SPATA1: variants seen among roughly 807,000 people sequenced by gnomAD.
SPATA1 encodes spermatogenesis associated 1.
In SPATA1, 57 loss-of-function variants were observed where a neutral mutation model predicts 59.6. The ratio of observed to expected loss-of-function variants is 0.96; its 90% CI spans 0.77 to 1.19. SPATA1 has a LOEUF of 1.19. Among genes scored for constraint, SPATA1 ranks in the 50% most tolerant of loss-of-function variants. The pLI is 0.00. For missense variants in SPATA1, 448 were observed against 480.7 expected (o/e 0.93, Z 0.64); for synonymous variants, 147 against 163.9 (o/e 0.90, Z 0.79).
chr1:84,544,256 C>T, exon 9 of SPATA1: 2 of 1,597,126 alleles, frequency 1.3e-6, no homozygotes, highest in Non-Finnish European at 1.7e-6. Context: ...TCCTTGTCAA[C>T]CTGTTCTTTC....
chr1:84,525,246 C>T (rs774705689), intron 4 of SPATA1, among the ~76,000 whole-genome samples: 2 of 152,160 alleles, frequency 1.3e-5, no homozygotes, highest in South Asian at 2.1e-4. Context: ...AGATTACAGG[C>T]GTGAGTCACC....
At chr1:84,521,096 G>C (rs544135278) in intron 3 of SPATA1, among the ~76,000 whole-genome samples, 1 of 150,224 alleles carries the variant, frequency 6.7e-6, no homozygotes. Context: ...GGGCAACAGA[G>C]TGAGACTCTG....
At chr1:84,545,826 A>T in intron 10 of SPATA1, 67 bp downstream of exon 10, 7 of 1,121,682 alleles carry the variant, frequency 6.2e-6, no homozygotes, top group Middle Eastern at 6.6e-4. Context: ...TGATCCTTTT[A>T]GAATAAATAA....
intron 6 of SPATA1, among the ~76,000 whole-genome samples, chr1:84,529,881 G>A (rs946420590): frequency 2.8e-5 from 4 of 143,058 alleles, no homozygotes; most frequent in African/African-American, 1.0e-4. Context: ...TTTGGAGACC[G>A]AGTCTCGCTC....
intron 6 of SPATA1, among the ~76,000 whole-genome samples, chr1:84,528,906 G>A (rs555435586): frequency 6.6e-6 from 1 of 152,234 alleles, no homozygotes; most frequent in South Asian, 2.1e-4. Flanking sequence ...AATAAAGAGT[G>A]AGGTAGTATA....
intron 12 of SPATA1, chr1:84,551,916 T>C (rs1182077972): frequency 6.6e-6 from 1 of 152,144 alleles, no homozygotes; most frequent in Non-Finnish European, 1.5e-5. Context: ...CTGGAAAGCA[T>C]GCACATTACT....
At chr1:84,545,653 A>C in exon 10 of SPATA1, 2 of 1,517,072 alleles carry the variant, frequency 1.3e-6, no homozygotes, top group Non-Finnish European at 1.8e-6. Context: ...TTATCAAACA[A>C]ATGAAACAAG....
chr1:84,556,290 A>G (rs1006763184), downstream of SPATA1, among the ~76,000 whole-genome samples: 1 of 152,244 alleles, frequency 6.6e-6, no homozygotes, highest in African/African-American at 2.4e-5. Context: ...GATAAAAAAT[A>G]GAAAGACCTG....
chr1:84,544,218 AC>A lies in SPATA1; in HGVS notation c.735del (p.Tyr245Ter). On this transcript the variant is annotated frameshift_variant, in exon 9 of 13. Transcript: ENST00000490879. LOFTEE classifies it high-confidence loss of function. ...TGCTTACAGACAGCTGAAAAAGAGT[AC>A]ATCACCCTACCAGATCACCCTTCAC... is the stretch of plus-strand genomic sequence containing the variant. The A allele has an allele frequency of 1.3e-6, 2 of 1,598,884 alleles. No individual in the cohort carries two copies. Among genetic ancestry groups the A allele is most frequent in the East Asian group, 4.5e-5 (2 of 44,618 alleles).
intron 12 of SPATA1, chr1:84,550,746 A>C: frequency 9.1e-7 from 1 of 1,094,238 alleles, no homozygotes; most frequent in Non-Finnish European, 1.1e-6. Flanking sequence ...CCAAAGTAAA[A>C]TTTAGTAAAA....
At chr1:84,514,886 G>A (rs974601422) in intron 1 of SPATA1, among the ~76,000 whole-genome samples, 1 of 152,042 alleles carries the variant, frequency 6.6e-6, no homozygotes, top group Non-Finnish European at 1.5e-5. Context: ...CAGGAGAATC[G>A]CTTGAACCTG....
intron 10 of SPATA1, among the ~76,000 whole-genome samples, chr1:84,547,600 A>C (rs1458940898): frequency 6.6e-6 from 1 of 152,206 alleles, no homozygotes; most frequent in South Asian, 2.1e-4. Flanking sequence ...TAGAATTTTC[A>C]GAGAAAGTAT....
At chr1:84,533,466 TATAG>T (rs1299218431) in intron 7 of SPATA1, among the ~76,000 whole-genome samples, 1 of 152,132 alleles carries the variant, frequency 6.6e-6, no homozygotes, top group African/African-American at 2.4e-5. Flanking sequence ...TTTATCTTGC[TATAG>T]ATATTGAACT....
At chr1:84,536,516 T>C (rs1683688700) in intron 8 of SPATA1, among the ~76,000 whole-genome samples, 1 of 152,236 alleles carries the variant, frequency 6.6e-6, no homozygotes. Context: ...CTATGTCCGC[T>C]CACTGCAAGC....
At chr1:84,532,806 A>T in intron 6 of SPATA1, 54 bp from the exon 7 acceptor site, 2 of 1,225,444 alleles carry the variant, frequency 1.6e-6, no homozygotes, top group Admixed American at 2.1e-5. Context: ...CGTTTATTTT[A>T]CTATTTTCCT....
intron 4 of SPATA1, among the ~76,000 whole-genome samples, chr1:84,564,612 A>G (rs1684657285): frequency 6.6e-6 from 1 of 152,264 alleles, no homozygotes; most frequent in South Asian, 2.1e-4. Context: ...GCCTCATGTG[A>G]TCTTCCCACC....
exon 13 of SPATA1, chr1:84,554,492 A>G (rs1185031020): frequency 6.5e-6 from 1 of 153,700 alleles, no homozygotes; most frequent in Non-Finnish European, 1.4e-5. Flanking sequence ...AAGCAGAAAA[A>G]TTATTTTCAT....
intron 10 of SPATA1, among the ~76,000 whole-genome samples, chr1:84,546,130 A>G (rs1305298802): frequency 6.6e-6 from 1 of 152,192 alleles, no homozygotes; most frequent in African/African-American, 2.4e-5. Context: ...CTTACAGTCC[A>G]GTGGGGAAAT....
At chr1:84,549,033 T>C (rs1684190291) in intron 11 of SPATA1, 69 bp downstream of exon 11, 2 of 1,368,316 alleles carry the variant, frequency 1.5e-6, no homozygotes, top group East Asian at 2.7e-5. Context: ...TAAGTGCTAG[T>C]AGTATCACAA....
Sources: allele counts gnomAD v4.1 joint callset (sites outside exome capture counted in the v4.1 genomes callset), GRCh38; gene constraint gnomAD v4.1.1; transcripts MANE v1.5; gene names NCBI Gene and HGNC (gene_info 2026-07-23, HGNC 2026-07-21).